Variants in SUPT3H observed in about 807,000 individuals in gnomAD.
SUPT3H encodes the protein SPT3 homolog, SAGA and STAGA complex component, also known as transcription initiation protein SPT3 homolog.
In SUPT3H, 44 loss-of-function variants were observed where a neutral mutation model predicts 44.3. The observed-to-expected ratio is 0.99, with a 90% CI of 0.78 to 1.28. The LOEUF (loss-of-function observed/expected upper bound fraction) is 1.28, where lower values mean the gene tolerates loss of function less well. Among genes scored for constraint, SUPT3H ranks in the 50% most tolerant of loss-of-function variants. The pLI is 0.00. For synonymous variants in SUPT3H, 124 were observed against 125.6 expected (o/e 0.99, Z 0.09); for missense variants, 380 against 387.1 (o/e 0.98, Z 0.15).
chr6:45,295,351 T>C (rs989580081), intron 2 of SUPT3H, among the ~76,000 whole-genome samples: 3 of 151,882 alleles, frequency 2.0e-5, no homozygotes, highest in African/African-American at 7.3e-5. Context: ...CAAGATGGAT[T>C]AAGGACTTAA....
intron 3 of SUPT3H, among the ~76,000 whole-genome samples, chr6:45,089,091 G>C (rs1189080001): frequency 6.6e-6 from 1 of 151,922 alleles, no homozygotes; most frequent in Non-Finnish European, 1.5e-5. Context: ...ACACAATTTA[G>C]CTTTTTGTTT....
chr6:45,103,123 C>G (rs72869125), intron 3 of SUPT3H, among the ~76,000 whole-genome samples: 2,741 of 152,264 alleles, frequency 0.018, 42 homozygotes, highest in South Asian at 0.044. Context: ...TAACTGTTCT[C>G]TATAATTCTT....
chr6:44,970,320 T>A (rs1362224545), intron 6 of SUPT3H, among the ~76,000 whole-genome samples: 1 of 152,176 alleles, frequency 6.6e-6, no homozygotes, highest in Non-Finnish European at 1.5e-5. Flanking sequence ...TGGGATAAAA[T>A]GTGTGTTAAG....
intron 6 of SUPT3H, among the ~76,000 whole-genome samples, chr6:44,971,523 A>T (rs1777565208): frequency 6.6e-6 from 1 of 152,178 alleles, no homozygotes; most frequent in Non-Finnish European, 1.5e-5. Flanking sequence ...TTATAAAAAC[A>T]TCAGATCTCC....
intron 10 of SUPT3H, among the ~76,000 whole-genome samples, chr6:44,832,045 A>G (rs1768882514): frequency 6.6e-6 from 1 of 152,132 alleles, no homozygotes; most frequent in Admixed American, 6.5e-5. Context: ...GTGAAGAGCA[A>G]TTTCAGTAAA....
chr6:44,932,608 T>G (rs1770760602), intron 10 of SUPT3H, 45 bp downstream of exon 10: 1 of 1,375,634 alleles, frequency 7.3e-7, no homozygotes, highest in Non-Finnish European at 9.9e-7. Context: ...ATCAAAATTC[T>G]TTCATATTAT....
At chr6:45,213,232 C>G (rs986025067) in intron 2 of SUPT3H, among the ~76,000 whole-genome samples, 2 of 152,132 alleles carry the variant, frequency 1.3e-5, no homozygotes, top group Non-Finnish European at 2.9e-5. Flanking sequence ...GTTCAAGCAA[C>G]AGGACCCCTA....
intron 3 of SUPT3H, among the ~76,000 whole-genome samples, chr6:45,039,118 AT>A (rs1788124597): frequency 6.6e-6 from 1 of 152,204 alleles, no homozygotes; most frequent in Non-Finnish European, 1.5e-5. Context: ...CAGAAAAAAA[AT>A]AAACAAATCT....
chr6:45,167,864 T>C (rs1810148763), intron 2 of SUPT3H, among the ~76,000 whole-genome samples: 1 of 151,522 alleles, frequency 6.6e-6, no homozygotes, highest in Non-Finnish European at 1.5e-5. Flanking sequence ...CAGGCTGGAG[T>C]GTAATGGCTC....
At chr6:45,213,634 G>A (rs1764496222) in intron 2 of SUPT3H, among the ~76,000 whole-genome samples, 1 of 152,004 alleles carries the variant, frequency 6.6e-6, no homozygotes, top group Non-Finnish European at 1.5e-5. Flanking sequence ...CAATTCTGCT[G>A]AAACAGTAAG....
At chr6:45,187,394 G>A (rs984426659) in intron 2 of SUPT3H, among the ~76,000 whole-genome samples, 3 of 142,044 alleles carry the variant, frequency 2.1e-5, no homozygotes, top group Non-Finnish European at 3.0e-5. Context: ...CAACCTGGGC[G>A]ACAAGGGCAA....
chr6:45,344,080 C>T (rs2150148658), intron 2 of SUPT3H, among the ~76,000 whole-genome samples: 1 of 152,144 alleles, frequency 6.6e-6, no homozygotes, highest in Middle Eastern at 3.4e-3. Flanking sequence ...GAAAAATTGT[C>T]AAACTAAAGA....
chr6:45,013,290 T>C (rs1006195787), intron 5 of SUPT3H, among the ~76,000 whole-genome samples: 8 of 152,050 alleles, frequency 5.3e-5, no homozygotes, highest in Non-Finnish European at 2.9e-5. Flanking sequence ...GAGCTACCAG[T>C]CCCCTCTTAA....
At chr6:45,100,073 A>G (rs1023448905) in intron 3 of SUPT3H, among the ~76,000 whole-genome samples, 2 of 152,108 alleles carry the variant, frequency 1.3e-5, no homozygotes, top group Non-Finnish European at 2.9e-5. Flanking sequence ...CTCTCACCAT[A>G]CTCAAAAAAT....
chr6:45,176,063 G>T (rs1236158875), intron 2 of SUPT3H, among the ~76,000 whole-genome samples: 1 of 152,092 alleles, frequency 6.6e-6, no homozygotes. Flanking sequence ...TATATCTTGG[G>T]GGGAGGAGCC....
At chr6:45,067,721 A>C (rs929958117) in intron 3 of SUPT3H, among the ~76,000 whole-genome samples, 1 of 148,120 alleles carries the variant, frequency 6.8e-6, no homozygotes, top group African/African-American at 2.5e-5. Flanking sequence ...AATGCTCATC[A>C]TCACTGGCCA....
chr6:44,820,157 T>G (rs991095498), intron 11 of SUPT3H, among the ~76,000 whole-genome samples: 2 of 152,130 alleles, frequency 1.3e-5, no homozygotes, highest in African/African-American at 4.8e-5. Context: ...AGGCAGGGGT[T>G]GCGGTGAGCC....
At position 45,331,068 on chromosome 6, in the gene SUPT3H, C is replaced by A. The variant is rs543611402; in HGVS notation, c.101+34133G>T. 6.2e-4 allele frequency among the ~76,000 whole-genome samples: 95 copies of A among 152,008 alleles called. 1 individual carries two copies. The South Asian group carries it at 0.019, about 30-fold the overall frequency. ...ATTTTCCTAGGTGAGGTACAAAGCA[C>A]ACATTAACAACTGCTTCACCTCAAA... On this transcript the variant is annotated intron_variant, in intron 2 of 10. Transcript: ENST00000371459.
At chr6:45,139,451 G>C (rs2153588634) in intron 2 of SUPT3H, among the ~76,000 whole-genome samples, 1 of 152,296 alleles carries the variant, frequency 6.6e-6, no homozygotes, top group Middle Eastern at 3.4e-3. Flanking sequence ...CACACCATGA[G>C]CTTTTGCTCC....
Sources: gnomAD v4.1 joint callset for allele counts (sites outside exome capture counted in the v4.1 genomes callset) on GRCh38, gnomAD v4.1.1 for gene constraint, MANE v1.5 for transcripts, NCBI Gene and HGNC (gene_info 2026-07-23, HGNC 2026-07-21) for gene names.